Variants in RAB12 observed in about 807,000 individuals in gnomAD.
The protein encoded by RAB12 is RAB12, member RAS oncogene family.
RAB12 carries 11 observed loss-of-function variants against 28.4 expected under a neutral mutation model. The ratio of observed to expected loss-of-function variants is 0.39; its 90% CI spans 0.24 to 0.64. RAB12 has a LOEUF of 0.64. RAB12 is among the 30% of genes least tolerant of loss of function. The pLI, the probability that RAB12 is intolerant of heterozygous loss-of-function variation, is 0.50. For synonymous variants in RAB12, 138 were observed against 145.3 expected, an observed-to-expected ratio of 0.95 and a Z score of 0.36; for missense variants, 276 against 351.1, an observed-to-expected ratio of 0.79 and a Z score of 1.71.
At chr18:8,625,458 C>T (rs755440099) in intron 2 of RAB12, among the ~76,000 whole-genome samples, 1 of 152,144 alleles carries the variant, frequency 6.6e-6, no homozygotes, top group Admixed American at 6.5e-5. Context: ...ACTATTACTG[C>T]GGGTGGGCAT....
chr18:8,614,732 C>G (rs2096005824), intron 1 of RAB12, among the ~76,000 whole-genome samples: 1 of 152,066 alleles, frequency 6.6e-6, no homozygotes, highest in African/African-American at 2.4e-5. Flanking sequence ...ATTACAGGCA[C>G]TCACCACCAC....
chr18:8,610,054 G>C (rs1205112208), intron 1 of RAB12, 101 bp downstream of exon 1: 2 of 851,812 alleles, frequency 2.3e-6, no homozygotes, highest in African/African-American at 1.8e-5. Flanking sequence ...GAGTCTTTCG[G>C]GGATGGGCCT....
At chr18:8,633,440 A>G in intron 3 of RAB12, 113 bp downstream of exon 3, 1 of 1,228,272 alleles carries the variant, frequency 8.1e-7, no homozygotes, top group Non-Finnish European at 1.2e-6. Context: ...TAGACTAAAC[A>G]TCATTTAGCC....
chr18:8,631,456 G>A (rs920250158), intron 2 of RAB12, among the ~76,000 whole-genome samples: 5 of 152,192 alleles, frequency 3.3e-5, no homozygotes, highest in Admixed American at 2.6e-4. Flanking sequence ...TAGTGCCCGG[G>A]TGCCATGAGA....
At chr18:8,624,828 G>T in intron 1 of RAB12, 110 bp from the exon 2 acceptor site, 1 of 735,442 alleles carries the variant, frequency 1.4e-6, no homozygotes, top group East Asian at 2.5e-5. Context: ...AGGTTTCGTG[G>T]GGTTTTCTTT....
At chr18:8,625,783 A>C (rs992016260) in intron 2 of RAB12, among the ~76,000 whole-genome samples, 1 of 152,210 alleles carries the variant, frequency 6.6e-6, no homozygotes, top group Admixed American at 6.5e-5. Flanking sequence ...TACTCAGCTT[A>C]CTAACTCCTC....
At chr18:8,613,358 C>T (rs1007929344) in intron 1 of RAB12, among the ~76,000 whole-genome samples, 1 of 152,242 alleles carries the variant, frequency 6.6e-6, no homozygotes, top group Non-Finnish European at 1.5e-5. Flanking sequence ...GCCTGGTCCA[C>T]TATTTTCCTC....
chr18:8,627,960 G>A (rs755521320), intron 2 of RAB12, among the ~76,000 whole-genome samples: 3 of 152,118 alleles, frequency 2.0e-5, no homozygotes, highest in African/African-American at 4.8e-5. Context: ...TTCTCCAAGC[G>A]TTGTTGTATC....
rs182426521 is a variant in RAB12, at chr18:8,623,674, C to G, written c.515-1264C>G. ...CTGAGCTTCCTTTGACTTTGGAAAG[C>G]AAATCATTTCCAGAACTGAAAGTGA... is the stretch of plus-strand genomic sequence containing the variant. On this transcript the variant is annotated intron_variant, in intron 1 of 5. Transcript: ENST00000649141. Among the ~76,000 whole-genome samples the G allele has an allele frequency of 2.6e-5, 4 of 152,324 alleles. No homozygotes were observed. The East Asian group carries it at 7.7e-4, about 29-fold the overall frequency.
chr18:8,610,173 G>T, intron 1 of RAB12: 1 of 457,304 alleles, frequency 2.2e-6, no homozygotes, highest in Non-Finnish European at 3.9e-6. Context: ...TTGGCCCCCG[G>T]CCCTGCCTCA....
In RAB12 at chr18:8,613,155, G is replaced by C. The variant is rs183021840; in HGVS notation, c.514+3202G>C. ...CACAAGGGTATGAAAAACAGAGGTT[G>C]TATTTACTGATTGGTCTGTTTAATG... On this transcript the variant is annotated intron_variant, in intron 1 of 5. Transcript: ENST00000649141. Among the ~76,000 whole-genome samples the C allele has an allele frequency of 3.3e-3, 508 of 152,304 alleles. 1 individual carries two copies. The highest frequency in any genetic ancestry group is 5.2e-3 in the Non-Finnish European group (355 of 68,026).
Position 8,627,438 on chromosome 18 carries a change from A to G in RAB12, c.575+2440A>G, listed in dbSNP as rs560691898. ...AAAAGCTAAAAGTACCAAAAGCTGCAGGTGTCTGTTACATTTTTACGTCAC... is the reference window on the plus strand; with the variant it reads ...AAAAGCTAAAAGTACCAAAAGCTGCGGGTGTCTGTTACATTTTTACGTCAC... On this transcript the variant is annotated intron_variant, in intron 2 of 5. Coordinates refer to ENST00000649141, the MANE Select transcript of RAB12 (RefSeq NM_001025300.3). Among the ~76,000 whole-genome samples, 9 of 152,326 alleles carry G rather than the reference A, an allele frequency of 5.9e-5. No individual in the cohort carries two copies. In the South Asian group the frequency reaches 1.0e-3, roughly 18 times the overall value.
chr18:8,637,573 A>G (rs1257369558), intron 5 of RAB12, among the ~76,000 whole-genome samples: 1 of 152,108 alleles, frequency 6.6e-6, no homozygotes, highest in Non-Finnish European at 1.5e-5. Context: ...CAATAATAAT[A>G]CTTTTTTTTA....
At chr18:8,626,082 T>G (rs1407428188) in intron 2 of RAB12, among the ~76,000 whole-genome samples, 1 of 152,246 alleles carries the variant, frequency 6.6e-6, no homozygotes, top group Non-Finnish European at 1.5e-5. Flanking sequence ...TTTTCTGTTG[T>G]GCATTTGGTC....
intron 1 of RAB12, among the ~76,000 whole-genome samples, chr18:8,616,545 C>A (rs2096006761): frequency 6.6e-6 from 1 of 152,130 alleles, no homozygotes; most frequent in South Asian, 2.1e-4. Context: ...TCCACGTCAG[C>A]ACTTGGGCGA....
rs778610188 is a variant in RAB12 at position 8,633,216 on chromosome 18, C to T, written c.603C>T (p.Asn201=). 6.2e-7 allele frequency: 1 copy of T among 1,614,030 alleles called. No homozygotes were observed. Among genetic ancestry groups the T allele is most frequent in the African/African-American group, 1.3e-5 (1 of 74,934 alleles). ...ACACAGCAGGTCAGGAGAGATTCAA[C>T]AGCATTACCTCAGCTTATTACAGAA... ...IWDTAGQERF[N]SITSAYYRSA... Residue 201 remains asparagine (N), a synonymous_variant, in exon 3 of 6, where the codon AAC becomes AAT. Transcript: ENST00000649141.
intron 1 of RAB12, chr18:8,610,173 G>A (rs2096002921): frequency 2.2e-6 from 1 of 457,304 alleles, no homozygotes; most frequent in Non-Finnish European, 3.9e-6. Context: ...TTGGCCCCCG[G>A]CCCTGCCTCA....
At chr18:8,634,637 C>G (rs2096017893) in intron 3 of RAB12, among the ~76,000 whole-genome samples, 1 of 152,012 alleles carries the variant, frequency 6.6e-6, no homozygotes, top group Admixed American at 6.6e-5. Flanking sequence ...CTTTTGTCAT[C>G]AACTGCTGCT....
intron 1 of RAB12, among the ~76,000 whole-genome samples, chr18:8,620,365 A>T (rs2096009221): frequency 6.6e-6 from 1 of 152,048 alleles, no homozygotes; most frequent in Non-Finnish European, 1.5e-5. Context: ...TAAGGGACTG[A>T]ATGGAGAAAC....
Sources: gnomAD v4.1 joint callset for allele counts (sites outside exome capture counted in the v4.1 genomes callset) on GRCh38, gnomAD v4.1.1 for gene constraint, MANE v1.5 for transcripts, NCBI Gene and HGNC (gene_info 2026-07-23, HGNC 2026-07-21) for gene names.